Variants in NOP53 observed in about 807,000 individuals in gnomAD.
The protein encoded by NOP53 is ribosome biogenesis protein NOP53.
Under a neutral mutation model 61.0 loss-of-function variants are expected in NOP53, and 40 were observed. The observed-to-expected ratio is 0.66, with a 90% CI of 0.51 to 0.85. The LOEUF (loss-of-function observed/expected upper bound fraction) is 0.85, where lower values mean the gene tolerates loss of function less well. Among genes scored for constraint, NOP53 ranks in the 40% least tolerant of loss-of-function variants. NOP53 has a pLI of 0.00. For missense variants in NOP53, 689 were observed against 652.9 expected (o/e 1.06, Z -0.60); for synonymous variants, 308 against 289.5 (o/e 1.06, Z -0.65).
intron 3 of NOP53, 126 bp downstream of exon 3, chr19:47,750,412 G>T: frequency 1.5e-6 from 1 of 650,268 alleles, no homozygotes; most frequent in South Asian, 1.7e-5. Flanking sequence ...TTGGGCTTCG[G>T]AGTGCAGATT....
intron 9 of NOP53, 88 bp downstream of exon 9, chr19:47,755,611 GC>G: frequency 7.3e-7 from 1 of 1,369,850 alleles, no homozygotes; most frequent in Non-Finnish European, 9.9e-7. Flanking sequence ...TTCAGGAACT[GC>G]CCACCCCCCC....
In NOP53 at chr19:47,754,245, C is replaced by A; in HGVS notation, c.766-282C>A. Reference sequence around the variant, plus strand: ...TGAGCTGAGATCACACCATTGCACTCCAGTCTGGGCAACAAGACAGAAACT... The same window carrying A: ...TGAGCTGAGATCACACCATTGCACTACAGTCTGGGCAACAAGACAGAAACT... On this transcript the variant is annotated intron_variant, in intron 6 of 12. Transcript: ENST00000246802. The surrounding 1 kb of genome is among the most constrained non-coding windows in gnomAD (Gnocchi z 4.2). 1 of 420,352 alleles carries A rather than the reference C, an allele frequency of 2.4e-6. No homozygotes were observed. The highest frequency in any genetic ancestry group is 4.0e-5 in the South Asian group (1 of 25,060). The allele number at this position is 420,352 out of a possible 1,614,324, so 26.0% of individuals were successfully genotyped here.
rs747285418 is a variant in NOP53 at position 47,746,976 on chromosome 19, G to A, written c.234G>A (p.Leu78=). The change falls in exon 2 of 13, where the codon TTG becomes TTA. Residue 78 remains leucine, a synonymous_variant. Coordinates refer to ENST00000246802, the MANE Select transcript of NOP53 (RefSeq NM_015710.5). The stretch of plus-strand genomic sequence containing the variant: ...CATTTCTGTCCCCCAGTGGCTTGTT[G>A]TCAGAGGCCCCAAATGAAAAACTCT... ...RLQERTSGGL[L]SEAPNEKLFF... The A allele has an allele frequency of 6.2e-6, 10 of 1,613,776 alleles. No individual in the cohort carries two copies. The highest frequency in any genetic ancestry group is 7.6e-6 in the Non-Finnish European group (9 of 1,179,714).
At chr19:47,751,413 C>A in intron 4 of NOP53, 107 bp from the exon 5 acceptor site, 1 of 858,228 alleles carries the variant, frequency 1.2e-6, no homozygotes, top group Non-Finnish European at 1.9e-6. Flanking sequence ...CTTCCCTTGC[C>A]TGAGCTTCAG....
At chr19:47,750,672 T>TG in intron 3 of NOP53, among the ~76,000 whole-genome samples, 1 of 152,080 alleles carries the variant, frequency 6.6e-6, no homozygotes, top group East Asian at 1.9e-4. Context: ...GTGAGGTGCC[T>TG]GGGGTATGTC....
chr19:47,749,127 C>G (rs899873986), intron 2 of NOP53, among the ~76,000 whole-genome samples: 1 of 151,694 alleles, frequency 6.6e-6, no homozygotes, highest in Non-Finnish European at 1.5e-5. Flanking sequence ...CATCATTGCA[C>G]TCCGCTCCAG....
At chr19:47,752,668 C>G in intron 6 of NOP53, 61 bp downstream of exon 6, 1 of 1,014,958 alleles carries the variant, frequency 9.9e-7, no homozygotes, top group Non-Finnish European at 1.6e-6. Flanking sequence ...CAGGCCTTCA[C>G]TAGCTTCCTC....
intron 2 of NOP53, 23 bp downstream of exon 2, chr19:47,747,054 T>A (rs370747850): frequency 2.3e-5 from 36 of 1,591,202 alleles, no homozygotes; most frequent in Non-Finnish European, 3.0e-5. Context: ...TTTTGTGGTG[T>A]GGAATGGCGG....
intron 6 of NOP53, 108 bp downstream of exon 6, chr19:47,752,715 G>T: frequency 1.4e-6 from 1 of 723,624 alleles, no homozygotes. Context: ...GACAGCCCTG[G>T]GCCTGTCCGC....
intron 1 of NOP53, 38 bp from the exon 2 acceptor site, chr19:47,746,929 A>G: frequency 6.4e-7 from 1 of 1,570,908 alleles, no homozygotes; most frequent in South Asian, 1.1e-5. Flanking sequence ...TTTCCTCTCC[A>G]ACATCTCTGG....
At chr19:47,755,923 G>A in intron 10 of NOP53, 101 bp downstream of exon 10, 1 of 996,638 alleles carries the variant, frequency 1.0e-6, no homozygotes, top group African/African-American at 1.6e-5. Flanking sequence ...GGCTGCCCCT[G>A]GGCTGGGCCA....
At position 47,754,277 on chromosome 19, in the gene NOP53, CAA is replaced by C; in HGVS notation, c.766-241_766-240del. 1.9e-5 allele frequency: 8 copies of C among 424,288 alleles called. No individual in the cohort carries two copies. The highest frequency in any genetic ancestry group is 4.0e-5 in the South Asian group (1 of 24,938). 26.3% of individuals were successfully genotyped at this position (424,288 alleles called of 1,614,324 possible). On this transcript the variant is annotated intron_variant, in intron 6 of 12. Coordinates refer to ENST00000246802, the MANE Select transcript of NOP53 (RefSeq NM_015710.5). The surrounding 1 kb of genome is among the most constrained non-coding windows in gnomAD (Gnocchi z 4.2). ...GGGCAACAAGACAGAAACTCTATCT[CAA>C]AAAAAAAATGTGAAGCGTGCAGGTC...
At position 47,754,850 on chromosome 19, in the gene NOP53, A is replaced by G; in HGVS notation, c.1012A>G (p.Thr338Ala). 1 of 1,539,382 alleles carries G rather than the reference A, an allele frequency of 6.5e-7. No individual in the cohort carries two copies. Among genetic ancestry groups the G allele is most frequent in the Admixed American group, 2.4e-5 (1 of 41,806 alleles). ...PARLATTEKK[T>A]EQQRRREKAV... ...CCGCCTGGCCACCACAGAGAAGAAG[A>G]CGGAGCAGCAGCGGCGGCGGGAGAA... is the stretch of plus-strand genomic sequence containing the variant. The change falls in exon 8 of 13, where the codon ACG becomes GCG. Residue 338 changes from threonine (T) to alanine (A), a missense_variant. Coordinates refer to ENST00000246802, the MANE Select transcript of NOP53 (RefSeq NM_015710.5). This position sits in a 1 kb window ranked among gnomAD's most constrained non-coding sequence, Gnocchi z 4.2.
intron 4 of NOP53, 62 bp from the exon 5 acceptor site, chr19:47,751,458 G>C (rs965453909): frequency 1.9e-5 from 24 of 1,273,230 alleles, no homozygotes; most frequent in Non-Finnish European, 2.5e-5. Context: ...GATTGGGGGG[G>C]AGCCTTTGGT....
chr19:47,756,270 C>G (rs1436330864), intron 10 of NOP53: 1 of 569,626 alleles, frequency 1.8e-6, no homozygotes, highest in Non-Finnish European at 3.1e-6. Flanking sequence ...AGCCTTTGCC[C>G]TCGCTGTCCC....
At chr19:47,747,380 G>A (rs549814512) in intron 2 of NOP53, among the ~76,000 whole-genome samples, 111 of 152,170 alleles carry the variant, frequency 7.3e-4, no homozygotes, top group South Asian at 2.5e-3. Context: ...GGTGAGTCAC[G>A]CCTGTATTCC....
chr19:47,755,865 A>T, intron 10 of NOP53, 43 bp downstream of exon 10: 2 of 1,517,732 alleles, frequency 1.3e-6, no homozygotes, highest in Non-Finnish European at 1.8e-6. Context: ...CCCAGTGATG[A>T]CACCATCCTT....
chr19:47,752,464 C>T (rs369685413), intron 5 of NOP53, 48 bp from the exon 6 acceptor site: 25 of 1,194,388 alleles, frequency 2.1e-5, no homozygotes, highest in Admixed American at 1.5e-4. Flanking sequence ...CTGGGTCACC[C>T]GCAGCCCCAA....
rs144210533 is a variant in NOP53, at chr19:47,748,286, C to T, written c.289+1255C>T. On this transcript the variant is annotated intron_variant, in intron 2 of 12. Transcript: ENST00000246802. The stretch of plus-strand genomic sequence containing the variant: ...AGTGAGCGGGTAACACACGTCTTAA[C>T]TTGCTTGCCTTAAGTTGCTAGAATG... 6.5e-3 allele frequency among the ~76,000 whole-genome samples: 985 copies of T among 152,090 alleles called. 15 individuals are homozygous for T. Among genetic ancestry groups the T allele is most frequent in the African/African-American group, 0.023 (934 of 41,500 alleles).
Sources: gnomAD v4.1 joint callset for allele counts (sites outside exome capture counted in the v4.1 genomes callset) on GRCh38, gnomAD v4.1.1 for gene constraint, Gnocchi (gnomAD v3.1) non-coding constraint, MANE v1.5 for transcripts, NCBI Gene and HGNC (gene_info 2026-07-23, HGNC 2026-07-21) for gene names.